Variants in KIAA1958 observed in about 807,000 individuals in gnomAD.
KIAA1958 encodes the protein KIAA1958, also known as uncharacterized protein KIAA1958.
KIAA1958 carries 14 observed loss-of-function variants against 47.2 expected under a neutral mutation model. That is an observed-to-expected ratio of 0.30 (90% CI 0.20 to 0.46). The LOEUF (loss-of-function observed/expected upper bound fraction) is 0.46, where lower values mean the gene tolerates loss of function less well. Ranked by LOEUF, KIAA1958 falls within the 20% of genes least tolerant of loss-of-function variation. KIAA1958 has a pLI of 1.00. For missense variants in KIAA1958, 803 were observed against 909.2 expected (o/e 0.88, Z 1.50); for synonymous variants, 354 against 353.3 (o/e 1.00, Z -0.02).
chr9:112,634,136 G>A (rs1836758338), intron 2 of KIAA1958, among the ~76,000 whole-genome samples: 1 of 152,098 alleles, frequency 6.6e-6, no homozygotes, highest in South Asian at 2.1e-4. Context: ...ACTATCACTT[G>A]ATATTTGCAA....
At chr9:112,591,922 A>T (rs1407618087) in intron 2 of KIAA1958, among the ~76,000 whole-genome samples, 1 of 152,184 alleles carries the variant, frequency 6.6e-6, no homozygotes, top group Non-Finnish European at 1.5e-5. Context: ...AGATGGAGCA[A>T]TGGTGATCTC....
Position 112,574,883 on chromosome 9 carries a change from G to A in KIAA1958, c.803G>A (p.Gly268Asp), listed in dbSNP as rs752057451. 3 of 1,613,948 alleles carry A rather than the reference G, an allele frequency of 1.9e-6. No homozygotes were observed. The highest frequency in any genetic ancestry group is 2.7e-5 in the African/African-American group (2 of 74,878). ...ATCAGCACGGAGCTAGACCCACACG[G>A]TATGTCTGCATCCCCCTCTGTGATC... is the stretch of plus-strand genomic sequence containing the variant. Reference protein sequence around the residue: ...SAISTELDPHGMSASPSVISR... With the variant: ...SAISTELDPHDMSASPSVISR... Residue 268 changes from glycine to aspartate, a missense_variant, in exon 2 of 4, where the codon GGT becomes GAT. Transcript: ENST00000337530.
At chr9:112,658,218 A>C (rs1837186825) in intron 3 of KIAA1958, among the ~76,000 whole-genome samples, 1 of 152,204 alleles carries the variant, frequency 6.6e-6, no homozygotes, top group African/African-American at 2.4e-5. Flanking sequence ...AACCACAGCT[A>C]TTTCAGGACC....
chr9:112,528,051 C>T (rs1309877291), intron 1 of KIAA1958, among the ~76,000 whole-genome samples: 1 of 152,116 alleles, frequency 6.6e-6, no homozygotes. Flanking sequence ...CTATCTCCTC[C>T]TCACTGTTTG....
intron 2 of KIAA1958, among the ~76,000 whole-genome samples, chr9:112,629,718 G>A (rs1406211053): frequency 1.3e-5 from 2 of 152,098 alleles, no homozygotes; most frequent in Non-Finnish European, 2.9e-5. Context: ...ATTCCATTGT[G>A]TGTATAATGT....
intron 2 of KIAA1958, among the ~76,000 whole-genome samples, chr9:112,635,668 A>G (rs868172960): frequency 2.0e-5 from 3 of 152,156 alleles, no homozygotes; most frequent in South Asian, 2.1e-4. Context: ...TGATTGACAT[A>G]ATCAAGTTGT....
At chr9:112,542,468 A>G (rs1400184398) in intron 1 of KIAA1958, among the ~76,000 whole-genome samples, 1 of 152,202 alleles carries the variant, frequency 6.6e-6, no homozygotes, top group African/African-American at 2.4e-5. Flanking sequence ...GAATATTTTC[A>G]CAAAGAATAT....
At chr9:112,649,779 ATAAAGAC>A (rs983444985) in intron 3 of KIAA1958, among the ~76,000 whole-genome samples, 21 of 152,148 alleles carry the variant, frequency 1.4e-4, no homozygotes, top group South Asian at 2.1e-4. Flanking sequence ...TGAAGATCAA[ATAAAGAC>A]TTTTCAGGCA....
At chr9:112,604,921 A>C (rs1048092307) in intron 2 of KIAA1958, among the ~76,000 whole-genome samples, 27 of 147,776 alleles carry the variant, frequency 1.8e-4, no homozygotes, top group African/African-American at 6.4e-4. Flanking sequence ...ATACTATATA[A>C]ATACATATTT....
intron 2 of KIAA1958, among the ~76,000 whole-genome samples, chr9:112,621,048 T>C (rs573052434): frequency 1.5e-4 from 21 of 140,502 alleles, no homozygotes; most frequent in African/African-American, 4.2e-4. Context: ...AGTCTGTCAT[T>C]TCATTCCAGA....
intron 1 of KIAA1958, among the ~76,000 whole-genome samples, chr9:112,569,914 G>A (rs1308291129): frequency 6.6e-6 from 1 of 152,082 alleles, no homozygotes; most frequent in African/African-American, 2.4e-5. Context: ...GTGAGCCACT[G>A]CACCTGGCCC....
intron 2 of KIAA1958, among the ~76,000 whole-genome samples, chr9:112,612,339 A>G (rs1836341185): frequency 6.6e-6 from 1 of 152,112 alleles, no homozygotes; most frequent in Admixed American, 6.5e-5. Context: ...ACCCAGGAGG[A>G]CAAGGCTGCA....
intron 2 of KIAA1958, among the ~76,000 whole-genome samples, chr9:112,644,158 A>G (rs908243401): frequency 4.0e-5 from 6 of 151,352 alleles, no homozygotes; most frequent in Admixed American, 6.6e-5. Flanking sequence ...AGTCTGGGCA[A>G]CAGAGCGAGA....
intron 1 of KIAA1958, among the ~76,000 whole-genome samples, chr9:112,542,831 T>C (rs2132825156): frequency 6.6e-6 from 1 of 152,308 alleles, no homozygotes; most frequent in Middle Eastern, 3.4e-3. Context: ...TAAAGGTTCT[T>C]GTTAGAAGGA....
chr9:112,637,726 A>G (rs899640328), intron 2 of KIAA1958, among the ~76,000 whole-genome samples: 2 of 152,124 alleles, frequency 1.3e-5, no homozygotes, highest in Non-Finnish European at 2.9e-5. Context: ...TTAGACTTGT[A>G]GCAATTTTCT....
Position 112,578,580 on chromosome 9 carries a change from T to C in KIAA1958, c.1171+3329T>C, listed in dbSNP as rs531976469. Among the ~76,000 whole-genome samples, 421 of 152,314 alleles carry C rather than the reference T, an allele frequency of 2.8e-3. 2 individuals carry two copies. Among genetic ancestry groups the C allele is most frequent in the Non-Finnish European group, 4.4e-3 (297 of 68,000 alleles). ...ATTTTGTTTGGTTTTACTGTTGCCA[T>C]TTAAATTTGATTCCCATAGTGGAAA... On this transcript the variant is annotated intron_variant, in intron 2 of 3. Coordinates refer to ENST00000337530, the MANE Select transcript of KIAA1958 (RefSeq NM_133465.4).
In KIAA1958 at chr9:112,574,170, A is replaced by C. The variant is rs1197677472; in HGVS notation, c.90A>C (p.Pro30=). ...HSHGTICSLI[P]NLKHLLSEGS... ...ATGGGACTATTTGCAGCCTCATTCC[A>C]AACCTGAAACACTTGCTTTCTGAAG... The change falls in exon 2 of 4, where the codon CCA becomes CCC. Residue 30 remains proline (P), a synonymous_variant. Transcript: ENST00000337530. The C allele has an allele frequency of 4.3e-6, 7 of 1,614,126 alleles. No homozygotes were observed. The South Asian group carries it at 7.7e-5, about 18-fold the overall frequency.
In KIAA1958 at chr9:112,571,812, A is replaced by T. The variant is rs533693279; in HGVS notation, c.-24-2245A>T. Among the ~76,000 whole-genome samples the T allele has an allele frequency of 1.8e-3, 271 of 149,984 alleles. 3 individuals carry two copies. The highest frequency in any genetic ancestry group is 6.0e-3 in the African/African-American group (249 of 41,336). ...AATAAAAAATAAATAAATAAATAAA[A>T]ACAAAAAATAAAAATAAAAATAAAA... is the stretch of plus-strand genomic sequence containing the variant. On this transcript the variant is annotated intron_variant, in intron 1 of 3. Coordinates refer to ENST00000337530, the MANE Select transcript of KIAA1958 (RefSeq NM_133465.4).
chr9:112,635,393 A>G (rs1208293937), intron 2 of KIAA1958, among the ~76,000 whole-genome samples: 2 of 151,960 alleles, frequency 1.3e-5, no homozygotes, highest in African/African-American at 2.4e-5. Flanking sequence ...GAGACCAGAG[A>G]TGCATGCCAC....
Sources: gnomAD v4.1 joint callset for allele counts (sites outside exome capture counted in the v4.1 genomes callset) on GRCh38, gnomAD v4.1.1 for gene constraint, MANE v1.5 for transcripts, NCBI Gene and HGNC (gene_info 2026-07-23, HGNC 2026-07-21) for gene names.